Variants in ECPAS observed in about 807,000 individuals in gnomAD.
ECPAS encodes proteasome adapter and scaffold protein ECM29.
ECPAS carries 70 observed loss-of-function variants against 255.1 expected under a neutral mutation model. The ratio of observed to expected loss-of-function variants is 0.27; its 90% CI spans 0.23 to 0.33. ECPAS has a LOEUF of 0.33. Ranked by LOEUF, ECPAS falls within the 10% of genes least tolerant of loss-of-function variation. ECPAS has a pLI of 1.00. For synonymous variants in ECPAS, 784 were observed against 775.0 expected, an observed-to-expected ratio of 1.01 and a Z score of -0.19; for missense variants, 1,817 against 2,206.4, an observed-to-expected ratio of 0.82 and a Z score of 3.54.
chr9:111,427,411 C>A (rs2098223383), intron 10 of ECPAS, among the ~76,000 whole-genome samples: 1 of 151,990 alleles, frequency 6.6e-6, no homozygotes, highest in Non-Finnish European at 1.5e-5. Context: ...GCTAATGATA[C>A]CATTTTTGGA....
rs3831235 is a variant in ECPAS, at chr9:111,370,878, TAAC to T, written c.4738-116_4738-114del. The stretch of plus-strand genomic sequence containing the variant: ...TTTTGATAACTATGACAACAAAAAT[TAAC>T]AACAGTCACCTTATCTTTAATGCAT... On this transcript the variant is annotated intron_variant, in intron 43 of 49. Coordinates refer to ENST00000684092, the MANE Select transcript of ECPAS (RefSeq NM_001364929.1). 5.5e-3 allele frequency: 5,255 copies of T among 953,818 alleles called. 188 individuals carry two copies. The East Asian group carries it at 0.057, about 10-fold the overall frequency. 59.1% of individuals were successfully genotyped at this position (953,818 alleles called of 1,614,324 possible). A position where few individuals can be genotyped will look rare whatever the true frequency, so the allele number is the denominator to read the frequency against.
intron 25 of ECPAS, among the ~76,000 whole-genome samples, chr9:111,395,229 A>G (rs558289246): frequency 6.6e-6 from 1 of 152,142 alleles, no homozygotes; most frequent in South Asian, 2.1e-4. Flanking sequence ...ATCTACAATT[A>G]TAAAACCAAC....
chr9:111,426,155 T>C (rs1423086823), intron 10 of ECPAS, among the ~76,000 whole-genome samples: 1 of 152,192 alleles, frequency 6.6e-6, no homozygotes, highest in Non-Finnish European at 1.5e-5. Flanking sequence ...GGACAAATTC[T>C]AATAAAAGCT....
At chr9:111,480,961 T>G (rs1252792623) in intron 1 of ECPAS, among the ~76,000 whole-genome samples, 1 of 152,238 alleles carries the variant, frequency 6.6e-6, no homozygotes, top group East Asian at 1.9e-4. Flanking sequence ...CACTTCAGAA[T>G]ATCCAATTCT....
intron 29 of ECPAS, among the ~76,000 whole-genome samples, 175 bp downstream of exon 29, chr9:111,391,581 C>CAA (rs367705478): frequency 1.9e-5 from 2 of 104,356 alleles, no homozygotes; most frequent in Admixed American, 1.0e-4. Context: ...GGCTCCATCT[C>CAA]AAAAAAAAAA....
Position 111,366,588 on chromosome 9 carries a change from C to A in ECPAS, c.5153G>T (p.Arg1718Leu). ...CACTTTCCACGTGCTGAGTTTTAGCCGTTCACACATCAGTTTGCACAGCTC... is the reference window on the plus strand; with the variant it reads ...CACTTTCCACGTGCTGAGTTTTAGCAGTTCACACATCAGTTTGCACAGCTC... ...RQELCKLMCE[R>L]LKLSTWKVQL... is the part of the protein sequence containing the mutation. Residue 1718 changes from arginine to leucine, a missense_variant, in exon 47 of 50, where the codon CGG becomes CTG. This residue lies in a region of ECPAS where 960 missense variants were observed against 1,179.0 expected (regional missense o/e 0.81). Transcript: ENST00000684092. 1 of 1,613,264 alleles carries A rather than the reference C, an allele frequency of 6.2e-7. No individual in the cohort carries two copies. The highest frequency in any genetic ancestry group is 1.3e-5 in the African/African-American group (1 of 74,956).
intron 8 of ECPAS, 61 bp downstream of exon 8, chr9:111,433,172 T>C: frequency 6.4e-7 from 1 of 1,560,712 alleles, no homozygotes; most frequent in African/African-American, 1.4e-5. Context: ...AAAAAATGTG[T>C]CAAGTAAGTT....
At chr9:111,451,617 T>C in intron 2 of ECPAS, 62 bp from the exon 3 acceptor site, 1 of 1,427,750 alleles carries the variant, frequency 7.0e-7, no homozygotes, top group Non-Finnish European at 9.3e-7. Flanking sequence ...AGACCAATTA[T>C]TTTTATAGCT....
At chr9:111,419,410 T>C (rs2098209629) in intron 16 of ECPAS, among the ~76,000 whole-genome samples, 1 of 152,174 alleles carries the variant, frequency 6.6e-6, no homozygotes, top group Non-Finnish European at 1.5e-5. Context: ...ATAACAGATT[T>C]GAAAAGAGTT....
At chr9:111,427,923 A>T in intron 10 of ECPAS, 119 bp downstream of exon 10, 1 of 774,784 alleles carries the variant, frequency 1.3e-6, no homozygotes. Flanking sequence ...AAAGAATCTC[A>T]TTAATCTTGT....
intron 1 of ECPAS, among the ~76,000 whole-genome samples, chr9:111,475,613 G>A (rs1444737445): frequency 6.6e-6 from 1 of 151,978 alleles, no homozygotes; most frequent in Non-Finnish European, 1.5e-5. Context: ...TGCACGCCTT[G>A]TAGTCCCAGC....
chr9:111,451,586 T>G (rs748814214), intron 2 of ECPAS, 31 bp from the exon 3 acceptor site: 1 of 1,514,642 alleles, frequency 6.6e-7, no homozygotes, highest in Non-Finnish European at 8.8e-7. Context: ...AAGAGAGAAC[T>G]TAGCAAGCCA....
chr9:111,461,536 C>T (rs2098273171), intron 2 of ECPAS, among the ~76,000 whole-genome samples: 1 of 151,920 alleles, frequency 6.6e-6, no homozygotes, highest in South Asian at 2.1e-4. Flanking sequence ...ATAAGTAGAC[C>T]ACTTGAACAA....
At chr9:111,433,405 G>A (rs1385724251) in intron 7 of ECPAS, 33 bp from the exon 8 acceptor site, 1 of 1,612,852 alleles carries the variant, frequency 6.2e-7, no homozygotes, top group Non-Finnish European at 8.5e-7. Context: ...AGAAAGAACA[G>A]TCAGGGGAGC....
rs757474503 is a variant in ECPAS at position 111,366,632 on chromosome 9, GAAAA to G, written c.5114-9_5114-6del. 4 of 1,601,138 alleles carry G rather than the reference GAAAA, an allele frequency of 2.5e-6. No individual in the cohort carries two copies. In the East Asian group the frequency reaches 8.9e-5, roughly 36 times the overall value. On this transcript the variant is annotated splice_region_variant and splice_polypyrimidine_tract_variant and intron_variant, in intron 46 of 49. Coordinates refer to ENST00000684092, the MANE Select transcript of ECPAS (RefSeq NM_001364929.1). The stretch of plus-strand genomic sequence containing the variant: ...ACAGCTCCTGACGATAACAACCTGG[GAAAA>G]AAAGACAAGGTGGGACAGAGCAGGA...
chr9:111,442,762 T>G (rs1350784409), intron 4 of ECPAS, among the ~76,000 whole-genome samples: 2 of 152,194 alleles, frequency 1.3e-5, no homozygotes, highest in Non-Finnish European at 2.9e-5. Context: ...GATCTCCCAG[T>G]CTGTTGCATT....
chr9:111,392,705 T>G, intron 28 of ECPAS, 63 bp downstream of exon 28: 2 of 1,099,920 alleles, frequency 1.8e-6, no homozygotes, highest in Non-Finnish European at 2.7e-6. Context: ...CTCCAGCATC[T>G]TCTCACTATG....
At position 111,406,115 on chromosome 9, in the gene ECPAS, A is replaced by C. The variant is rs78366505; in HGVS notation, c.2652+2456T>G. 5.4e-3 allele frequency among the ~76,000 whole-genome samples: 804 copies of C among 150,004 alleles called. 88 individuals carry two copies. Among genetic ancestry groups the C allele is most frequent in the African/African-American group, 0.019 (761 of 39,694 alleles). ...TTAACAATAGCCAAAACAAGAAATC[A>C]AGCTAAGTGTCCAGCAACAGATGAA... On this transcript the variant is annotated intron_variant, in intron 24 of 49. Coordinates refer to ENST00000684092, the MANE Select transcript of ECPAS (RefSeq NM_001364929.1).
chr9:111,452,991 C>G (rs1413735959), intron 2 of ECPAS, among the ~76,000 whole-genome samples: 1 of 152,076 alleles, frequency 6.6e-6, no homozygotes, highest in Non-Finnish European at 1.5e-5. Flanking sequence ...TGCCTATAAT[C>G]CCAACACTTT....
Sources: allele counts gnomAD v4.1 joint callset (sites outside exome capture counted in the v4.1 genomes callset), GRCh38; gene constraint gnomAD v4.1.1; regional missense constraint gnomAD v4.1.1; transcripts MANE v1.5; gene names NCBI Gene and HGNC (gene_info 2026-07-23, HGNC 2026-07-21).